PHF21A: variants seen among roughly 807,000 people sequenced by gnomAD.
PHF21A encodes the protein PHD finger protein 21A, also known as BHC80a.
A neutral mutation model predicts 82.5 loss-of-function variants in PHF21A; 11 were observed. The ratio of observed to expected loss-of-function variants is 0.13; its 90% confidence interval spans 0.08 to 0.22. The LOEUF (loss-of-function observed/expected upper bound fraction) is 0.22. Ranked by LOEUF, PHF21A falls within the 10% of genes least tolerant of loss-of-function variation. PHF21A has a pLI of 1.00. For missense variants in PHF21A, 579 were observed against 837.8 expected, an observed-to-expected ratio of 0.69 and a Z score of 3.81; for synonymous variants, 297 against 302.8, an observed-to-expected ratio of 0.98 and a Z score of 0.20.
At chr11:45,966,922 C>T (rs1201384966) in intron 9 of PHF21A, among the ~76,000 whole-genome samples, 1 of 151,998 alleles carries the variant, frequency 6.6e-6, no homozygotes, top group Non-Finnish European at 1.5e-5. Flanking sequence ...CAGCCATAAG[C>T]CAGTATTTTT....
At chr11:45,984,504 C>CT (rs1201736743) in intron 6 of PHF21A, among the ~76,000 whole-genome samples, 1 of 152,208 alleles carries the variant, frequency 6.6e-6, no homozygotes, top group Non-Finnish European at 1.5e-5. Context: ...TTCAGCGATA[C>CT]TATCAACGTG....
intron 6 of PHF21A, among the ~76,000 whole-genome samples, chr11:46,028,864 G>A (rs926357261): frequency 6.6e-6 from 1 of 152,144 alleles, no homozygotes; most frequent in Admixed American, 6.5e-5. Context: ...GAGCCACCAC[G>A]CCCAGCAAAG....
At position 45,931,072 on chromosome 11, in the gene PHF21A, G is replaced by A. The variant is rs2087623430; in HGVS notation, c.*2896C>T. The A allele has an allele frequency of 6.6e-6, 1 of 152,302 alleles. No individual in the cohort carries two copies. Among genetic ancestry groups the A allele is most frequent in the Non-Finnish European group, 1.5e-5 (1 of 68,106 alleles). The allele number at this position is 152,302 out of a possible 1,614,324, so 9.4% of individuals were successfully genotyped here. A position where few individuals can be genotyped will look rare whatever the true frequency, so the allele number is the denominator to read the frequency against. On this transcript the variant is annotated 3_prime_UTR_variant, in exon 19 of 19. Coordinates refer to ENST00000676320, the MANE Select transcript of PHF21A (RefSeq NM_001352027.3). ...TCCATACTAGCTGACTCCCAAAACAGCTCACATCTGAATGTCAGGAAGAAT... is the reference window on the plus strand; with the variant it reads ...TCCATACTAGCTGACTCCCAAAACAACTCACATCTGAATGTCAGGAAGAAT...
intron 6 of PHF21A, among the ~76,000 whole-genome samples, chr11:45,992,285 C>T (rs942396846): frequency 6.6e-6 from 1 of 151,768 alleles, no homozygotes; most frequent in African/African-American, 2.4e-5. Flanking sequence ...GTAATCCTAG[C>T]ACTTTGGGAG....
intron 1 of PHF21A, among the ~76,000 whole-genome samples, chr11:46,103,846 C>T (rs1403711403): frequency 2.0e-5 from 3 of 152,046 alleles, no homozygotes; most frequent in African/African-American, 7.2e-5. Context: ...ATGATCTTTC[C>T]CCTTACCTCA....
At chr11:46,050,484 G>T (rs920486709) in intron 6 of PHF21A, among the ~76,000 whole-genome samples, 4 of 152,126 alleles carry the variant, frequency 2.6e-5, no homozygotes, top group Admixed American at 2.0e-4. Flanking sequence ...ATCACAGAAA[G>T]CAACAAGAAA....
rs1474541725 is a variant in PHF21A, at chr11:45,994,686, A to G, written c.154-14720T>C. 3.9e-5 allele frequency among the ~76,000 whole-genome samples: 6 copies of G among 152,344 alleles called. No homozygotes were observed. The East Asian group carries it at 1.2e-3, about 29-fold the overall frequency. On this transcript the variant is annotated intron_variant, in intron 6 of 18. Transcript: ENST00000676320. Reference sequence around the variant, plus strand: ...ATGTCAGGGGTTTTGCTGTTGCATCATTCTGCAACACCTTATTTCAACTCT... The same window carrying G: ...ATGTCAGGGGTTTTGCTGTTGCATCGTTCTGCAACACCTTATTTCAACTCT...
intron 6 of PHF21A, among the ~76,000 whole-genome samples, chr11:46,020,023 C>T (rs2095599435): frequency 6.6e-6 from 1 of 151,492 alleles, no homozygotes; most frequent in South Asian, 2.1e-4. Context: ...TATGAAGAGA[C>T]CTGAATGATG....
chr11:45,986,871 C>T (rs2094506469), intron 6 of PHF21A, among the ~76,000 whole-genome samples: 1 of 151,804 alleles, frequency 6.6e-6, no homozygotes, highest in Admixed American at 6.6e-5. Context: ...CATTTTAATG[C>T]TAGTTCAATC....
chr11:45,963,917 G>C (rs1380388003), intron 10 of PHF21A, among the ~76,000 whole-genome samples: 1 of 152,028 alleles, frequency 6.6e-6, no homozygotes, highest in Non-Finnish European at 1.5e-5. Context: ...TTTATTTCTG[G>C]GCTGGGCGTG....
chr11:46,116,995 T>G (rs1003366827), intron 1 of PHF21A: 1 of 152,142 alleles, frequency 6.6e-6, no homozygotes, highest in Admixed American at 6.5e-5. Context: ...AAAACTATAG[T>G]GTCCAGGGTG....
rs141554262 is a variant in PHF21A at position 46,002,381 on chromosome 11, C to T, written c.154-22415G>A. 4.1e-3 allele frequency among the ~76,000 whole-genome samples: 631 copies of T among 152,282 alleles called. 4 individuals are homozygous for T. Among genetic ancestry groups the T allele is most frequent in the Non-Finnish European group, 5.3e-3 (363 of 68,014 alleles). On this transcript the variant is annotated intron_variant, in intron 6 of 18. Coordinates refer to ENST00000676320, the MANE Select transcript of PHF21A (RefSeq NM_001352027.3). ...GAATGGCTAATGCTTCAGAAATAAA[C>T]TAATTTGTAACTTTACTACAATTTG...
At chr11:46,081,314 A>G (rs181923782) in intron 4 of PHF21A, among the ~76,000 whole-genome samples, 4 of 152,310 alleles carry the variant, frequency 2.6e-5, no homozygotes, top group Admixed American at 2.6e-4. Flanking sequence ...TACATATTCC[A>G]AGAGTTTAAA....
At chr11:45,993,880 G>A (rs2094807800) in intron 6 of PHF21A, among the ~76,000 whole-genome samples, 1 of 152,026 alleles carries the variant, frequency 6.6e-6, no homozygotes, top group Admixed American at 6.6e-5. Flanking sequence ...TACACCGACA[G>A]TGCCTATCTG....
chr11:45,938,186 T>A lies in PHF21A; in HGVS notation c.1579A>T (p.Met527Leu). 2 of 1,606,600 alleles carry A rather than the reference T, an allele frequency of 1.2e-6. No homozygotes were observed. The highest frequency in any genetic ancestry group is 1.7e-6 in the Non-Finnish European group (2 of 1,176,692). The change falls in exon 16 of 19, where the codon ATG becomes TTG. Residue 527 changes from methionine (M) to leucine (L), a missense_variant. By Grantham distance (15) the Met-to-Leu change is conservative (BLOSUM62 2). Transcript: ENST00000676320. ...DPPLKTIPKG[M>L]WICPRCQDQM... ...TCCTGACATCTGGGACAGATCCACA[T>A]GCCCTTGGGAATTGTTTTCAGAGGG...
intron 1 of PHF21A, among the ~76,000 whole-genome samples, chr11:46,104,543 T>G (rs1440475516): frequency 1.3e-5 from 2 of 152,220 alleles, no homozygotes; most frequent in African/African-American, 4.8e-5. Flanking sequence ...TAAGAACTCA[T>G]TAGATAACAC....
At chr11:45,978,452 T>C (rs1461954524) in intron 7 of PHF21A, among the ~76,000 whole-genome samples, 1 of 152,218 alleles carries the variant, frequency 6.6e-6, no homozygotes, top group Admixed American at 6.5e-5. Flanking sequence ...TGTTAACTTA[T>C]CTTTAGTGTT....
In PHF21A at chr11:45,935,670, T is replaced by G. The variant is rs186002581; in HGVS notation, c.1754A>C (p.Glu585Ala). Residue 585 changes from glutamate (E) to alanine (A), a missense_variant, in exon 18 of 19, where the codon GAG (glutamate) becomes GCG (alanine). Around this residue, in one of 3 missense-constraint regions of PHF21A, gnomAD observed 157 missense variants for 149.4 expected, o/e 1.05. Transcript: ENST00000676320. ...SDLKQEREQLEQKVKQLSNSI... is the reference protein window; with the variant it reads ...SDLKQEREQLAQKVKQLSNSI... The stretch of plus-strand genomic sequence containing the variant: ...ATTGCTGAGCTGTTTCACCTTTTGC[T>G]CTAGTTGTTCTCGTTCTTGTTTTAA... The G allele has an allele frequency of 6.4e-7, 1 of 1,552,282 alleles. No individual in the cohort carries two copies. Among genetic ancestry groups the G allele is most frequent in the African/African-American group, 1.4e-5 (1 of 73,420 alleles).
At chr11:46,090,961 C>T (rs576874052) in intron 2 of PHF21A, among the ~76,000 whole-genome samples, 49 of 152,188 alleles carry the variant, frequency 3.2e-4, no homozygotes, top group Admixed American at 3.1e-3. Flanking sequence ...GTTAAGGTCG[C>T]TTCTCTAAGA....
Sources: allele counts gnomAD v4.1 joint callset (sites outside exome capture counted in the v4.1 genomes callset), GRCh38; gene constraint gnomAD v4.1.1; regional missense constraint gnomAD v4.1.1; transcripts MANE v1.5; gene names NCBI Gene and HGNC (gene_info 2026-07-23, HGNC 2026-07-21).